Variants in PIP4P2 observed in about 807,000 individuals in gnomAD.
PIP4P2 encodes phosphatidylinositol-4,5-bisphosphate 4-phosphatase 2.
PIP4P2 carries 19 observed loss-of-function variants against 33.3 expected under a neutral mutation model. That is an observed-to-expected ratio of 0.57 (90% CI 0.40 to 0.84). The LOEUF (loss-of-function observed/expected upper bound fraction) is 0.84. Among genes scored for constraint, PIP4P2 ranks in the 40% least tolerant of loss-of-function variants. The probability of loss-of-function intolerance (pLI) is 0.00; values close to 1 mark genes in which losing one functional copy is unlikely to be tolerated. For synonymous variants in PIP4P2, 110 were observed against 111.9 expected (o/e 0.98, Z 0.11); for missense variants, 270 against 324.7 (o/e 0.83, Z 1.29).
rs866611830 is a variant in PIP4P2, at chr8:91,017,577, T to C, written c.486+813A>G. 5.3e-5 allele frequency among the ~76,000 whole-genome samples: 8 copies of C among 152,214 alleles called. No homozygotes were observed. The South Asian group carries it at 1.2e-3, about 24-fold the overall frequency. On this transcript the variant is annotated intron_variant, in intron 4 of 6. Transcript: ENST00000285419. ...TTTAGAACTATATACATAAAGTTCTTTAATAAAAGTAAAATTACAAATAAA... is the reference window on the plus strand; with the variant it reads ...TTTAGAACTATATACATAAAGTTCTCTAATAAAAGTAAAATTACAAATAAA...
At chr8:91,013,330 T>C (rs937455654) in intron 4 of PIP4P2, among the ~76,000 whole-genome samples, 2 of 152,188 alleles carry the variant, frequency 1.3e-5, no homozygotes, top group East Asian at 1.9e-4. Context: ...CAAGAAAGAA[T>C]GCAAGGTAGC....
At chr8:91,031,777 A>ATAGCTAT (rs1812167629) in intron 1 of PIP4P2, among the ~76,000 whole-genome samples, 1 of 152,134 alleles carries the variant, frequency 6.6e-6, no homozygotes. Flanking sequence ...ACTGGAAGGA[A>ATAGCTAT]TAGCTATTTA....
At chr8:91,010,957 T>A (rs1276377813) in intron 4 of PIP4P2, among the ~76,000 whole-genome samples, 2 of 133,844 alleles carry the variant, frequency 1.5e-5, no homozygotes. Context: ...AGAAGATTTG[T>A]AAAAAAAAAA....
intron 1 of PIP4P2, among the ~76,000 whole-genome samples, chr8:91,038,195 ACT>A (rs926954671): frequency 7.9e-5 from 12 of 152,220 alleles, no homozygotes; most frequent in African/African-American, 2.2e-4. Flanking sequence ...AGAAATAAAC[ACT>A]CCACCGACTT....
intron 2 of PIP4P2, 86 bp from the exon 3 acceptor site, chr8:91,020,349 C>T: frequency 8.6e-7 from 1 of 1,157,916 alleles, no homozygotes; most frequent in Non-Finnish European, 1.3e-6. Context: ...GGAAAGGATT[C>T]CATTAAAACT....
chr8:91,025,717 T>C (rs1266785755), intron 1 of PIP4P2, among the ~76,000 whole-genome samples: 1 of 152,200 alleles, frequency 6.6e-6, no homozygotes, highest in Admixed American at 6.5e-5. Flanking sequence ...AAGAAAAGTA[T>C]AAAAGAGCAG....
In PIP4P2 at chr8:91,033,283, GTTC is replaced by G. The variant is rs1376069454; in HGVS notation, c.106+7358_106+7360del. ...CTGAAACAGAATAGTGACTTCCACT[GTTC>G]TTCTCCCACCTCCCAAACACATGGC... is the stretch of plus-strand genomic sequence containing the variant. On this transcript the variant is annotated intron_variant, in intron 1 of 6. Transcript: ENST00000285419. 6.6e-5 allele frequency among the ~76,000 whole-genome samples: 10 copies of G among 152,262 alleles called. No individual in the cohort carries two copies. In the East Asian group the frequency reaches 1.7e-3, roughly 26 times the overall value.
chr8:91,026,147 T>C (rs1294727268), intron 1 of PIP4P2, among the ~76,000 whole-genome samples: 1 of 152,134 alleles, frequency 6.6e-6, no homozygotes, highest in East Asian at 1.9e-4. Context: ...ATGTTCTTAA[T>C]AGGAGGTGAT....
chr8:91,020,258 G>A lies in PIP4P2; in HGVS notation c.261C>T (p.Ile87=), dbSNP rs1170528613. ...ATTTCTTGCCTGTTGGGGGGTTTTT[G>A]ATTGGCTGGATAAGGGAAGAAAATG... ...KCTVCNEATP[I]KNPPTGKKYV... Residue 87 remains isoleucine (I), a synonymous_variant, in exon 3 of 7, where the codon ATC becomes ATT. Transcript: ENST00000285419. 3.1e-6 allele frequency: 5 copies of A among 1,613,572 alleles called. No individual in the cohort carries two copies. Among genetic ancestry groups the A allele is most frequent in the Non-Finnish European group, 4.2e-6 (5 of 1,179,690 alleles).
At chr8:91,006,997 T>G (rs1811773065) in intron 5 of PIP4P2, among the ~76,000 whole-genome samples, 1 of 152,142 alleles carries the variant, frequency 6.6e-6, no homozygotes, top group African/African-American at 2.4e-5. Flanking sequence ...GCCTTTTCTT[T>G]TCTATAAGAT....
chr8:91,005,818 A>G (rs1357956392), intron 5 of PIP4P2, among the ~76,000 whole-genome samples: 4 of 152,218 alleles, frequency 2.6e-5, no homozygotes, highest in African/African-American at 9.7e-5. Flanking sequence ...TAGGTCCATT[A>G]TAACATTTGC....
In PIP4P2 at chr8:91,024,049, A is replaced by T. The variant is rs185068878; in HGVS notation, c.107-2645T>A. On this transcript the variant is annotated intron_variant, in intron 1 of 6. Transcript: ENST00000285419. ...AAGGGCTTCTTTTATATAGAAGACA[A>T]CTCTCTCCAAATAATGCACTGAGAG... Among the ~76,000 whole-genome samples the T allele has an allele frequency of 2.0e-3, 297 of 152,140 alleles. 3 individuals are homozygous for T. Among genetic ancestry groups the T allele is most frequent in the East Asian group, 6.8e-3 (35 of 5,156 alleles).
chr8:91,038,751 T>C (rs1812266444), intron 1 of PIP4P2, among the ~76,000 whole-genome samples: 1 of 152,244 alleles, frequency 6.6e-6, no homozygotes, highest in Admixed American at 6.5e-5. Context: ...CTCTCATTTA[T>C]GCTTCTTCCT....
chr8:91,003,988 TAGA>T (rs1811734482), intron 5 of PIP4P2, among the ~76,000 whole-genome samples: 1 of 151,778 alleles, frequency 6.6e-6, no homozygotes, highest in Non-Finnish European at 1.5e-5. Context: ...GATAGATAGA[TAGA>T]TAGATAGATA....
chr8:91,030,516 C>T (rs1340463445), intron 1 of PIP4P2, among the ~76,000 whole-genome samples: 2 of 152,058 alleles, frequency 1.3e-5, no homozygotes, highest in Non-Finnish European at 2.9e-5. Context: ...TATAATGTAG[C>T]CAAAGTTTAA....
At chr8:91,015,980 G>A (rs769352523) in intron 4 of PIP4P2, among the ~76,000 whole-genome samples, 4 of 152,194 alleles carry the variant, frequency 2.6e-5, no homozygotes, top group Non-Finnish European at 5.9e-5. Context: ...TAAATTGTGG[G>A]AGCTAAGAAC....
chr8:91,027,357 C>G (rs1359838122), intron 1 of PIP4P2, among the ~76,000 whole-genome samples: 1 of 152,212 alleles, frequency 6.6e-6, no homozygotes, highest in Admixed American at 6.5e-5. Context: ...TGTACCTAAG[C>G]CTTCCCTTGC....
intron 5 of PIP4P2, among the ~76,000 whole-genome samples, chr8:91,003,222 GC>G (rs1219619906): frequency 6.6e-6 from 1 of 152,166 alleles, no homozygotes; most frequent in Non-Finnish European, 1.5e-5. Context: ...AATGACGTAT[GC>G]ATTTAGGAAC....
intron 1 of PIP4P2, among the ~76,000 whole-genome samples, chr8:91,033,935 G>A (rs1293317966): frequency 6.6e-6 from 1 of 152,052 alleles, no homozygotes; most frequent in Non-Finnish European, 1.5e-5. Flanking sequence ...ATGAGCCGCA[G>A]TGCCCAGCCT....
Sources: allele counts gnomAD v4.1 joint callset (sites outside exome capture counted in the v4.1 genomes callset), GRCh38; gene constraint gnomAD v4.1.1; transcripts MANE v1.5; gene names NCBI Gene and HGNC (gene_info 2026-07-23, HGNC 2026-07-21).